Variants in ACTR2 observed in about 807,000 individuals in gnomAD.
The protein encoded by ACTR2 is actin-related protein 2.
Under a neutral mutation model 50.2 loss-of-function variants are expected in ACTR2, and 5 were observed. The ratio of observed to expected loss-of-function variants is 0.10; its 90% CI spans 0.05 to 0.21. ACTR2 has a LOEUF of 0.21. Ranked by LOEUF, ACTR2 falls within the 10% of genes least tolerant of loss-of-function variation. The pLI is 1.00. For missense variants in ACTR2, 180 were observed against 480.6 expected (o/e 0.37, Z 5.85); for synonymous variants, 140 against 162.9 (o/e 0.86, Z 1.07).
chr2:65,256,415 T>TC (rs1672149430), intron 6 of ACTR2, among the ~76,000 whole-genome samples: 1 of 152,058 alleles, frequency 6.6e-6, no homozygotes, highest in Non-Finnish European at 1.5e-5. Flanking sequence ...CTATTAAATT[T>TC]GTCTGAGTAT....
chr2:65,268,476 G>A, intron 8 of ACTR2, 88 bp from the exon 9 acceptor site: 1 of 1,180,962 alleles, frequency 8.5e-7, no homozygotes, highest in Non-Finnish European at 1.2e-6. Context: ...GCAAGTTTGA[G>A]GGAGAGCATA....
chr2:65,259,926 CTG>C (rs1672234000), intron 6 of ACTR2, among the ~76,000 whole-genome samples: 2 of 152,104 alleles, frequency 1.3e-5, no homozygotes, highest in South Asian at 4.1e-4. Context: ...TGATGTGTGA[CTG>C]ACAAGATTTT....
rs1451981926 is a variant in ACTR2, at chr2:65,268,421, CCT to C, written c.1015-141_1015-140del. The C allele has an allele frequency of 1.9e-5, 12 of 619,842 alleles. No homozygotes were observed. The African/African-American group carries it at 3.7e-4, about 19-fold the overall frequency. The allele number at this position is 619,842 out of a possible 1,614,324, so 38.4% of individuals were successfully genotyped here. A position where few individuals can be genotyped will look rare whatever the true frequency, so the allele number is the denominator to read the frequency against. ...GGGCAAATTACTAAATGTTTCTGTA[CCT>C]CAGGTACCAAATATTACGTTCTACT... On this transcript the variant is annotated intron_variant, in intron 8 of 8. Transcript: ENST00000260641.
At chr2:65,254,853 A>G (rs1309233275) in intron 5 of ACTR2, among the ~76,000 whole-genome samples, 1 of 152,226 alleles carries the variant, frequency 6.6e-6, no homozygotes, top group African/African-American at 2.4e-5. Flanking sequence ...TGAGAATTAT[A>G]ATACTCTCAT....
chr2:65,246,792 AT>A, intron 3 of ACTR2, 53 bp downstream of exon 3: 2 of 1,237,432 alleles, frequency 1.6e-6, no homozygotes, highest in South Asian at 1.4e-5. Flanking sequence ...ATTATGTTAA[AT>A]CAAAAATTTT....
At position 65,238,765 on chromosome 2, in the gene ACTR2, C is replaced by T. The variant is rs546979137; in HGVS notation, c.49-1087C>T. Among the ~76,000 whole-genome samples, 7 of 151,450 alleles carry T rather than the reference C, an allele frequency of 4.6e-5. No individual in the cohort carries two copies. The East Asian group carries it at 5.9e-4, about 13-fold the overall frequency. On this transcript the variant is annotated intron_variant, in intron 1 of 8. Coordinates refer to ENST00000260641, the MANE Select transcript of ACTR2 (RefSeq NM_005722.4). ...GGCAGAGCAGCTGAGGTCAGGAGTT[C>T]GAAACCAGCATGGCCAACATGGTGA...
intron 1 of ACTR2, among the ~76,000 whole-genome samples, chr2:65,230,862 T>C (rs1173852296): frequency 6.6e-6 from 1 of 152,100 alleles, no homozygotes; most frequent in Non-Finnish European, 1.5e-5. Flanking sequence ...GAGACCAGCA[T>C]GGCCATCATG....
chr2:65,248,119 G>A (rs960537216), intron 3 of ACTR2, among the ~76,000 whole-genome samples: 4 of 152,116 alleles, frequency 2.6e-5, no homozygotes, highest in African/African-American at 7.2e-5. Context: ...GGAATTGGGC[G>A]GCTGGAAGTG....
intron 2 of ACTR2, chr2:65,242,622 C>T (rs372450686): frequency 5.9e-6 from 3 of 507,540 alleles, no homozygotes; most frequent in Admixed American, 2.0e-5. Flanking sequence ...GATTTCACAA[C>T]GTTATCTGAG....
intron 1 of ACTR2, among the ~76,000 whole-genome samples, chr2:65,232,742 C>A (rs773072727): frequency 3.3e-5 from 5 of 152,054 alleles, no homozygotes; most frequent in Non-Finnish European, 7.4e-5. Context: ...TTATACTGTT[C>A]ATATTCTTAC....
At chr2:65,228,426 TAA>T (rs533057087) in intron 1 of ACTR2, 30,624 of 135,204 alleles carry the variant, frequency 0.23, 3,820 homozygotes, top group African/African-American at 0.35. Context: ...CGGGTTTACT[TAA>T]AAAAAAAAAA....
At chr2:65,250,760 A>C (rs374995208) in intron 3 of ACTR2, among the ~76,000 whole-genome samples, 2 of 152,080 alleles carry the variant, frequency 1.3e-5, no homozygotes, top group Non-Finnish European at 2.9e-5. Flanking sequence ...TTTCACACTA[A>C]TTAGTCATTA....
chr2:65,265,560 A>G (rs947123938), intron 8 of ACTR2, among the ~76,000 whole-genome samples: 3 of 152,216 alleles, frequency 2.0e-5, no homozygotes, highest in Admixed American at 6.5e-5. Flanking sequence ...CTCTTGGGCT[A>G]TCTCATATTT....
chr2:65,247,880 T>C (rs1671968148), intron 3 of ACTR2, among the ~76,000 whole-genome samples: 1 of 152,064 alleles, frequency 6.6e-6, no homozygotes, highest in Non-Finnish European at 1.5e-5. Context: ...GAGGTTGTAA[T>C]TGTACATAGG....
intron 6 of ACTR2, among the ~76,000 whole-genome samples, chr2:65,259,853 A>C (rs1180130202): frequency 6.6e-6 from 1 of 152,200 alleles, no homozygotes; most frequent in Non-Finnish European, 1.5e-5. Context: ...CAATCCAGTG[A>C]ATTGTGAGGT....
rs1307932467 is a variant in ACTR2 at position 65,271,070 on chromosome 2, A to G, written c.*2336A>G. ...ATACATTTAGTAAAGTCCCCAAGAC[A>G]TTAGTCTTACATTTAAACTTTTTTC... On this transcript the variant is annotated 3_prime_UTR_variant, in exon 9 of 9. Coordinates refer to ENST00000260641, the MANE Select transcript of ACTR2 (RefSeq NM_005722.4). The G allele has an allele frequency of 6.6e-6, 1 of 152,228 alleles. No homozygotes were observed. The highest frequency in any genetic ancestry group is 1.5e-5 in the Non-Finnish European group (1 of 68,030). 9.4% of individuals were successfully genotyped at this position (152,228 alleles called of 1,614,324 possible). A position where few individuals can be genotyped will look rare whatever the true frequency, so the allele number is the denominator to read the frequency against.
At chr2:65,260,290 C>T (rs771370651) in intron 6 of ACTR2, among the ~76,000 whole-genome samples, 1 of 152,164 alleles carries the variant, frequency 6.6e-6, no homozygotes, top group Non-Finnish European at 1.5e-5. Context: ...AGCAGATCAC[C>T]TGAGGCCAGG....
chr2:65,250,441 G>A (rs1441904919), intron 3 of ACTR2, among the ~76,000 whole-genome samples: 1 of 151,898 alleles, frequency 6.6e-6, no homozygotes, highest in Non-Finnish European at 1.5e-5. Context: ...TTGGGAGGCC[G>A]AGGTGGGTGG....
chr2:65,252,297 A>T (rs887614969), intron 4 of ACTR2, among the ~76,000 whole-genome samples: 1 of 151,732 alleles, frequency 6.6e-6, no homozygotes, highest in Non-Finnish European at 1.5e-5. Flanking sequence ...AGGGCTGTAT[A>T]TGAGTTTTAT....
Sources: gnomAD v4.1 joint callset for allele counts (sites outside exome capture counted in the v4.1 genomes callset) on GRCh38, gnomAD v4.1.1 for gene constraint, MANE v1.5 for transcripts, NCBI Gene and HGNC (gene_info 2026-07-23, HGNC 2026-07-21) for gene names.